The following EFCAB6 variants were observed in gnomAD, a reference collection of about 807,000 sequenced individuals.
EFCAB6 encodes the protein EF-hand calcium-binding domain-containing protein 6.
EFCAB6 carries 156 observed loss-of-function variants against 169.8 expected under a neutral mutation model. The ratio of observed to expected loss-of-function variants is 0.92; its 90% CI spans 0.81 to 1.05. The LOEUF is 1.05. Ranked by LOEUF, EFCAB6 falls within the 50% of genes least tolerant of loss-of-function variation. The pLI is 0.00. For synonymous variants in EFCAB6, 698 were observed against 676.4 expected (o/e 1.03, Z -0.50); for missense variants, 1,800 against 1,829.1 (o/e 0.98, Z 0.29).
At chr22:43,632,805 G>A (rs751653457) in intron 18 of EFCAB6, among the ~76,000 whole-genome samples, 99 of 152,114 alleles carry the variant, frequency 6.5e-4, no homozygotes, top group Non-Finnish European at 1.2e-3. Context: ...CTCACAGACC[G>A]CACTTGGCAC....
chr22:43,588,868 G>C (rs1163574920), intron 24 of EFCAB6, among the ~76,000 whole-genome samples: 2 of 152,132 alleles, frequency 1.3e-5, no homozygotes, highest in African/African-American at 4.8e-5. Context: ...AAAGAAAAGT[G>C]ATGAGCTAGT....
Position 43,598,310 on chromosome 22 carries a change from G to GAAAA in EFCAB6, c.2876+1758_2876+1759insTTTT, listed in dbSNP as rs1402967848. Among the ~76,000 whole-genome samples, 415 of 57,642 alleles carry GAAAA rather than the reference G, an allele frequency of 7.2e-3. 137 individuals carry two copies. In the Middle Eastern group the frequency reaches 0.09, roughly 12 times the overall value. 37.8% of individuals were successfully genotyped at this position (57,642 alleles called of 152,430 possible). ...TGATGAAAGTGAGACACTGTCTCCG[G>GAAAA]GAAAAAAAAAAAAAAAAAAAAAAAA... On this transcript the variant is annotated intron_variant, in intron 23 of 31. Transcript: ENST00000262726.
At chr22:43,696,896 A>G (rs2058595819) in intron 10 of EFCAB6, among the ~76,000 whole-genome samples, 2 of 152,232 alleles carry the variant, frequency 1.3e-5, no homozygotes, top group South Asian at 4.1e-4. Context: ...ACAATTGCGA[A>G]ACTCAATTAA....
At chr22:43,672,613 A>G (rs565032121) in intron 13 of EFCAB6, among the ~76,000 whole-genome samples, 118 of 152,310 alleles carry the variant, frequency 7.7e-4, no homozygotes, top group Non-Finnish European at 1.4e-3. Context: ...ACAGGTTCTC[A>G]CTCATAAGTG....
At chr22:43,732,226 C>T (rs1288224677) in intron 7 of EFCAB6, among the ~76,000 whole-genome samples, 1 of 152,014 alleles carries the variant, frequency 6.6e-6, no homozygotes, top group Non-Finnish European at 1.5e-5. Context: ...TCAGCCAGCA[C>T]AAAATTTCCA....
intron 23 of EFCAB6, among the ~76,000 whole-genome samples, chr22:43,595,451 G>T (rs1212089966): frequency 6.6e-6 from 1 of 152,042 alleles, no homozygotes; most frequent in African/African-American, 2.4e-5. Flanking sequence ...GGAGATGACA[G>T]AAATAGAAAA....
intron 23 of EFCAB6, among the ~76,000 whole-genome samples, chr22:43,598,340 G>T (rs1046702093): frequency 1.7e-5 from 2 of 114,288 alleles, no homozygotes; most frequent in Non-Finnish European, 3.8e-5. Context: ...AAAAAAAAAG[G>T]TTGATCTCAG....
chr22:43,531,967 C>T (rs545370693), intron 30 of EFCAB6: 112 of 152,344 alleles, frequency 7.4e-4, no homozygotes, highest in African/African-American at 2.5e-3. Flanking sequence ...ATGAAGTCCC[C>T]TTTTTAGCTC....
intron 10 of EFCAB6, among the ~76,000 whole-genome samples, chr22:43,689,396 T>C (rs1053668714): frequency 1.2e-4 from 17 of 143,700 alleles, no homozygotes; most frequent in Non-Finnish European, 2.3e-4. Context: ...TCTTCGTCTT[T>C]GCCCAAGAAA....
At chr22:43,598,113 C>G (rs947470458) in intron 23 of EFCAB6, among the ~76,000 whole-genome samples, 2 of 151,962 alleles carry the variant, frequency 1.3e-5, no homozygotes, top group Admixed American at 1.3e-4. Context: ...TTGAGACCAG[C>G]CTGGGCAACA....
intron 26 of EFCAB6, among the ~76,000 whole-genome samples, chr22:43,555,323 TG>T (rs1459527674): frequency 6.6e-6 from 1 of 152,102 alleles, no homozygotes; most frequent in Non-Finnish European, 1.5e-5. Context: ...GAGTTCCCCA[TG>T]GGGCAGAGCA....
At chr22:43,715,689 G>A (rs1293401507) in intron 9 of EFCAB6, among the ~76,000 whole-genome samples, 3 of 152,166 alleles carry the variant, frequency 2.0e-5, no homozygotes, top group African/African-American at 7.2e-5. Context: ...CTTTCTGGGT[G>A]GTGGATTGTG....
In EFCAB6 at chr22:43,628,684, G is replaced by A. The variant is rs2054703676; in HGVS notation, c.2233-2005C>T. 1.3e-5 allele frequency among the ~76,000 whole-genome samples: 2 copies of A among 152,116 alleles called. No homozygotes were observed. Among genetic ancestry groups the A allele is most frequent in the African/African-American group, 4.8e-5 (2 of 41,420 alleles). On this transcript the variant is annotated intron_variant, in intron 19 of 31. Transcript: ENST00000262726. The surrounding 1 kb of genome is among the most constrained non-coding windows in gnomAD (Gnocchi z 4.8). The stretch of plus-strand genomic sequence containing the variant: ...AGGGAGCCCTCTCCAGTGTCCGCAG[G>A]GCTCACTCTGGCTCCTTCATGACTG...
At chr22:43,801,491 G>GATTTTA (rs1156308676) in intron 2 of EFCAB6, among the ~76,000 whole-genome samples, 2 of 152,166 alleles carry the variant, frequency 1.3e-5, no homozygotes, top group East Asian at 3.8e-4. Flanking sequence ...AAGCCCAAAA[G>GATTTTA]AGAAATCTCT....
intron 10 of EFCAB6, among the ~76,000 whole-genome samples, chr22:43,709,185 G>T (rs1447269869): frequency 6.6e-6 from 1 of 152,074 alleles, no homozygotes; most frequent in South Asian, 2.1e-4. Context: ...GGGTTCAAGC[G>T]ATTCTCCTGC....
intron 9 of EFCAB6, among the ~76,000 whole-genome samples, chr22:43,713,801 G>C (rs1569429330): frequency 6.6e-6 from 1 of 152,178 alleles, no homozygotes; most frequent in Non-Finnish European, 1.5e-5. Context: ...CAGTGAAAAT[G>C]ATAACACAGC....
rs540759418 is a variant in EFCAB6 at position 43,676,529 on chromosome 22, G to A, written c.1419+1467C>T. Among the ~76,000 whole-genome samples the A allele has an allele frequency of 4.6e-5, 7 of 151,944 alleles. 1 individual carries two copies. The highest frequency in any genetic ancestry group is 1.4e-4 in the African/African-American group (6 of 41,414). ...TCAAAATTTTAACTGTGTAACTATC[G>A]CTGAGTGTTGGGATTTGGGATTTTT... On this transcript the variant is annotated intron_variant, in intron 13 of 31. Coordinates refer to ENST00000262726, the MANE Select transcript of EFCAB6 (RefSeq NM_022785.4).
At chr22:43,592,648 C>CTA (rs1407121735) in intron 23 of EFCAB6, among the ~76,000 whole-genome samples, 1 of 152,150 alleles carries the variant, frequency 6.6e-6, no homozygotes, top group Non-Finnish European at 1.5e-5. Flanking sequence ...TGCGCTGGGT[C>CTA]TATGTCCAGT....
rs1010567296 is a variant in EFCAB6 at position 43,675,235 on chromosome 22, CTA to C, written c.1419+2759_1419+2760del. Among the ~76,000 whole-genome samples the C allele has an allele frequency of 3.1e-4, 43 of 140,002 alleles. No homozygotes were observed. The Middle Eastern group carries it at 0.012, about 40-fold the overall frequency. 91.8% of individuals were successfully genotyped at this position (140,002 alleles called of 152,430 possible). On this transcript the variant is annotated intron_variant, in intron 13 of 31. Coordinates refer to ENST00000262726, the MANE Select transcript of EFCAB6 (RefSeq NM_022785.4). ...ATATCATATAACTATGTATATATAACTATGTTATTATATATTATGTGTATATA... is the reference window on the plus strand; with the variant it reads ...ATATCATATAACTATGTATATATAACTGTTATTATATATTATGTGTATATA...
Sources: gnomAD v4.1 joint callset for allele counts (sites outside exome capture counted in the v4.1 genomes callset) on GRCh38, gnomAD v4.1.1 for gene constraint, Gnocchi (gnomAD v3.1) non-coding constraint, MANE v1.5 for transcripts, NCBI Gene and HGNC (gene_info 2026-07-23, HGNC 2026-07-21) for gene names.